The following TXN variants were observed in gnomAD, a reference collection of about 807,000 sequenced individuals.
TXN encodes the protein thioredoxin.
A neutral mutation model predicts 16.5 loss-of-function variants in TXN; 10 were observed. The ratio of observed to expected loss-of-function variants is 0.61; its 90% confidence interval spans 0.37 to 1.03. TXN has a LOEUF of 1.03. Among genes scored for constraint, TXN ranks in the 50% least tolerant of loss-of-function variants. The pLI is 0.01. For missense variants in TXN, 71 were observed against 122.5 expected, an observed-to-expected ratio of 0.58 and a Z score of 1.98; for synonymous variants, 35 against 39.4, an observed-to-expected ratio of 0.89 and a Z score of 0.42.
intron 3 of TXN, among the ~76,000 whole-genome samples, chr9:110,248,549 A>T (rs966012186): frequency 1.3e-5 from 2 of 152,054 alleles, no homozygotes. Flanking sequence ...AGTACACTCT[A>T]TGTGTGCACA....
At chr9:110,244,241 G>T (rs753092422) in intron 4 of TXN, 22 bp from the exon 5 acceptor site, 2 of 1,478,064 alleles carry the variant, frequency 1.4e-6, no homozygotes, top group South Asian at 1.3e-5. Flanking sequence ...ATATTGAATT[G>T]ACATTAGACG....
intron 3 of TXN, among the ~76,000 whole-genome samples, chr9:110,247,940 G>T (rs1020672221): frequency 6.6e-6 from 1 of 152,156 alleles, no homozygotes; most frequent in Non-Finnish European, 1.5e-5. Flanking sequence ...GTGGGGATGG[G>T]AGACAGTGAT....
chr9:110,250,743 GA>G lies in TXN; in HGVS notation c.189+76del, dbSNP rs1174781451. The G allele has an allele frequency of 2.6e-6, 3 of 1,132,672 alleles. No individual in the cohort carries two copies. In the Admixed American group the frequency reaches 6.8e-5, roughly 26 times the overall value. 70.2% of individuals were successfully genotyped at this position (1,132,672 alleles called of 1,614,324 possible). ...TCTAGAATTATTTGACATATTTATGGAAAAAAGCACTGTGCAATTCAGAGAA... is the reference window on the plus strand; with the variant it reads ...TCTAGAATTATTTGACATATTTATGGAAAAAGCACTGTGCAATTCAGAGAA... On this transcript the variant is annotated intron_variant, in intron 3 of 4. Coordinates refer to ENST00000374517, the MANE Select transcript of TXN (RefSeq NM_003329.4).
rs1267733877 is a variant in TXN, at chr9:110,250,893, A to G, written c.130-14T>C. The G allele has an allele frequency of 6.9e-6, 11 of 1,603,540 alleles. No individual in the cohort carries two copies. The highest frequency in any genetic ancestry group is 5.6e-5 in the South Asian group (5 of 89,240). ...TTCAGAGAGGGACTGGAAAATTTAA[A>G]ATGAAAAATCCAAAAAGATTTAGAA... is the stretch of plus-strand genomic sequence containing the variant. On this transcript the variant is annotated splice_polypyrimidine_tract_variant and intron_variant, in intron 2 of 4. Coordinates refer to ENST00000374517, the MANE Select transcript of TXN (RefSeq NM_003329.4).
At chr9:110,251,521 A>G in intron 1 of TXN, 59 bp from the exon 2 acceptor site, 3 of 982,826 alleles carry the variant, frequency 3.1e-6, no homozygotes, top group Non-Finnish European at 4.5e-6. Context: ...CCTTCAAAAG[A>G]AAGACTCGAC....
intron 2 of TXN, 62 bp downstream of exon 2, chr9:110,251,296 A>G (rs2118575631): frequency 1.6e-6 from 2 of 1,236,146 alleles, no homozygotes; most frequent in East Asian, 2.3e-5. Flanking sequence ...CTTTCCTACC[A>G]CTGTGACCAC....
chr9:110,249,974 T>A (rs1837707704), intron 3 of TXN, among the ~76,000 whole-genome samples: 1 of 152,054 alleles, frequency 6.6e-6, no homozygotes, highest in African/African-American at 2.4e-5. Flanking sequence ...TGCTCACATA[T>A]CTGTAAAGGG....
chr9:110,253,234 G>A (rs968574600), intron 1 of TXN, among the ~76,000 whole-genome samples: 1 of 151,964 alleles, frequency 6.6e-6, no homozygotes, highest in African/African-American at 2.4e-5. Context: ...TTTCTACCTC[G>A]TTTTTGGGAA....
chr9:110,252,598 A>T (rs1401963448), intron 1 of TXN, among the ~76,000 whole-genome samples: 1 of 152,212 alleles, frequency 6.6e-6, no homozygotes, highest in Non-Finnish European at 1.5e-5. Flanking sequence ...TACTATCTAG[A>T]TACTGTAACC....
At position 110,244,219 on chromosome 9, in the gene TXN, C is replaced by T; in HGVS notation, c.256G>A (p.Val86Met). The T allele has an allele frequency of 6.4e-7, 1 of 1,556,692 alleles. No individual in the cohort carries two copies. Among genetic ancestry groups the T allele is most frequent in the Non-Finnish European group, 8.7e-7 (1 of 1,149,872 alleles). Reference sequence around the variant, plus strand: ...TTATTGGCTCCAGAAAATTCACCCACCTGTTAAGAGAATATTGAATTGACA... The same window carrying T: ...TTATTGGCTCCAGAAAATTCACCCATCTGTTAAGAGAATATTGAATTGACA... ...TFQFFKKGQKVGEFSGANKEK... is the reference protein window; with the variant it reads ...TFQFFKKGQKMGEFSGANKEK... Residue 86 changes from valine to methionine, a missense_variant and splice_region_variant, in exon 5 of 5, where the codon GTG (valine) becomes ATG (methionine). Physicochemically the swap from Val to Met is conservative, Grantham distance 21. Coordinates refer to ENST00000374517, the MANE Select transcript of TXN (RefSeq NM_003329.4).
chr9:110,251,586 C>CAAAAAA (rs5899890), intron 1 of TXN, 124 bp from the exon 2 acceptor site: 7,109 of 55,864 alleles, frequency 0.13, 947 homozygotes, highest in Non-Finnish European at 0.18. Context: ...ACTTTTTAGC[C>CAAAAAA]AAAAAAAAAA....
In TXN at chr9:110,244,067, G is replaced by A; in HGVS notation, c.*90C>T. On this transcript the variant is annotated 3_prime_UTR_variant, in exon 5 of 5. Coordinates refer to ENST00000374517, the MANE Select transcript of TXN (RefSeq NM_003329.4). ...TTATTGTCACGCAGATGGCAACTGG[G>A]TTTATGTCTTCATATTTTATATTTT... The A allele has an allele frequency of 1.5e-6, 1 of 680,204 alleles. No homozygotes were observed. Among genetic ancestry groups the A allele is most frequent in the Non-Finnish European group, 2.2e-6 (1 of 460,204 alleles). 42.1% of individuals were successfully genotyped at this position (680,204 alleles called of 1,614,324 possible). A position where few individuals can be genotyped will look rare whatever the true frequency, so the allele number is the denominator to read the frequency against.
chr9:110,248,669 G>A (rs771747411), intron 3 of TXN, among the ~76,000 whole-genome samples: 4 of 152,118 alleles, frequency 2.6e-5, no homozygotes, highest in Non-Finnish European at 2.9e-5. Context: ...TGGTGCATTG[G>A]TCTGCCTCAA....
At chr9:110,255,651 G>A (rs1837799694) in intron 1 of TXN, among the ~76,000 whole-genome samples, 1 of 152,320 alleles carries the variant, frequency 6.6e-6, no homozygotes, top group African/African-American at 2.4e-5. Flanking sequence ...CGCGCCCTGC[G>A]CCACAGGAGT....
At chr9:110,251,336 G>GCAGA (rs1240326856) in intron 2 of TXN, 22 bp downstream of exon 2, 2 of 1,534,926 alleles carry the variant, frequency 1.3e-6, no homozygotes, top group African/African-American at 2.7e-5. Flanking sequence ...CTCTTACAAA[G>GCAGA]CAGACATTGT....
At chr9:110,255,239 T>C (rs1374471249) in intron 1 of TXN, among the ~76,000 whole-genome samples, 2 of 152,124 alleles carry the variant, frequency 1.3e-5, no homozygotes, top group African/African-American at 2.4e-5. Flanking sequence ...GGAGGGGTAA[T>C]CGCAGGGTAG....
chr9:110,245,652 ATAT>A (rs1309753174), intron 3 of TXN, among the ~76,000 whole-genome samples: 467 of 23,594 alleles, frequency 0.02, no homozygotes, highest in South Asian at 0.039. Flanking sequence ...ATATATATAT[ATAT>A]TTTTTTTTTT....
chr9:110,245,417 T>C (rs543953535), intron 3 of TXN, among the ~76,000 whole-genome samples: 1 of 150,862 alleles, frequency 6.6e-6, no homozygotes, highest in African/African-American at 2.4e-5. Flanking sequence ...TGATTATTAT[T>C]ATTTTTGAGA....
At chr9:110,251,522 A>AAGACTCG in intron 1 of TXN, 60 bp from the exon 2 acceptor site, 2 of 924,678 alleles carry the variant, frequency 2.2e-6, no homozygotes, top group South Asian at 3.1e-5. Context: ...CTTCAAAAGA[A>AAGACTCG]AGACTCGACA....
Sources: allele counts gnomAD v4.1 joint callset (sites outside exome capture counted in the v4.1 genomes callset), GRCh38; gene constraint gnomAD v4.1.1; transcripts MANE v1.5; gene names NCBI Gene and HGNC (gene_info 2026-07-23, HGNC 2026-07-21).